Variants in CNBD1 observed in about 807,000 individuals in gnomAD.
CNBD1 encodes the protein cyclic nucleotide binding domain containing 1.
A neutral mutation model predicts 54.4 loss-of-function variants in CNBD1; 71 were observed. That is an observed-to-expected ratio of 1.30 (90% CI 1.08 to 1.59). CNBD1 has a LOEUF of 1.59. Ranked by LOEUF, CNBD1 falls within the 40% of genes most tolerant of loss-of-function variation. The probability of loss-of-function intolerance (pLI) is 0.00; values close to 1 mark genes in which losing one functional copy is unlikely to be tolerated. For missense variants in CNBD1, 659 were observed against 518.0 expected (o/e 1.27, Z -2.64); for synonymous variants, 182 against 170.7 (o/e 1.07, Z -0.51).
At chr8:86,992,587 C>G (rs1325827752) in intron 4 of CNBD1, among the ~76,000 whole-genome samples, 1 of 151,672 alleles carries the variant, frequency 6.6e-6, no homozygotes, top group Non-Finnish European at 1.5e-5. Context: ...TTAAGTGTGT[C>G]CTTGTGGTAG....
At chr8:87,008,574 G>A (rs952979941) in intron 4 of CNBD1, among the ~76,000 whole-genome samples, 1 of 152,132 alleles carries the variant, frequency 6.6e-6, no homozygotes, top group Non-Finnish European at 1.5e-5. Flanking sequence ...ATATATCCTT[G>A]CATCTAAGTC....
At chr8:87,141,236 G>A (rs928475603) in intron 4 of CNBD1, among the ~76,000 whole-genome samples, 3 of 151,894 alleles carry the variant, frequency 2.0e-5, no homozygotes, top group South Asian at 2.1e-4. Flanking sequence ...AAAATCCTAC[G>A]GTGACTTATT....
intron 4 of CNBD1, among the ~76,000 whole-genome samples, chr8:87,036,855 A>G (rs2130603165): frequency 6.6e-6 from 1 of 152,204 alleles, no homozygotes; most frequent in African/African-American, 2.4e-5. Flanking sequence ...GCTTTATTCT[A>G]CACTAGATGT....
intron 4 of CNBD1, among the ~76,000 whole-genome samples, chr8:87,184,721 C>T (rs76614582): frequency 0.027 from 4,163 of 152,110 alleles, 163 homozygotes; most frequent in African/African-American, 0.082. Flanking sequence ...TTTCAGCCTC[C>T]GGGTCTACAT....
At chr8:87,216,600 A>G (rs112564724) in intron 5 of CNBD1, among the ~76,000 whole-genome samples, 3,198 of 152,172 alleles carry the variant, frequency 0.021, 55 homozygotes, top group South Asian at 0.058. Flanking sequence ...TTGATAGACA[A>G]TCCTCTTAGC....
chr8:86,886,838 A>G (rs1322550995), intron 1 of CNBD1, among the ~76,000 whole-genome samples: 1 of 152,194 alleles, frequency 6.6e-6, no homozygotes, highest in Non-Finnish European at 1.5e-5. Flanking sequence ...ATTCTTCTGC[A>G]GTAAGCAGAA....
chr8:87,206,731 C>T (rs768474750), intron 5 of CNBD1, among the ~76,000 whole-genome samples: 9 of 152,078 alleles, frequency 5.9e-5, no homozygotes, highest in South Asian at 4.1e-4. Flanking sequence ...ATTTTAATTA[C>T]GGGGGCTAGG....
At chr8:86,978,917 T>C (rs564101263) in intron 4 of CNBD1, among the ~76,000 whole-genome samples, 1 of 152,286 alleles carries the variant, frequency 6.6e-6, no homozygotes, top group Admixed American at 6.5e-5. Flanking sequence ...GTATAATCTA[T>C]GCCACAGTCT....
At chr8:87,151,218 G>A (rs895000775) in intron 4 of CNBD1, among the ~76,000 whole-genome samples, 2 of 152,080 alleles carry the variant, frequency 1.3e-5, no homozygotes, top group African/African-American at 2.4e-5. Context: ...ATTACCAGGA[G>A]CATCCTTTGA....
intron 6 of CNBD1, among the ~76,000 whole-genome samples, chr8:87,283,656 T>C (rs757240267): frequency 6.6e-6 from 1 of 152,096 alleles, no homozygotes; most frequent in Non-Finnish European, 1.5e-5. Context: ...GATAGCCAGC[T>C]TCTATGTGGC....
At chr8:87,059,644 G>A (rs1810500980) in intron 4 of CNBD1, among the ~76,000 whole-genome samples, 1 of 152,202 alleles carries the variant, frequency 6.6e-6, no homozygotes, top group African/African-American at 2.4e-5. Context: ...CAGATCTTGT[G>A]AGAACTCACT....
At chr8:86,929,393 G>A (rs570417835) in intron 3 of CNBD1, among the ~76,000 whole-genome samples, 80 of 152,312 alleles carry the variant, frequency 5.3e-4, no homozygotes, top group Admixed American at 3.2e-3. Flanking sequence ...CTAACTGGGC[G>A]CTGGTCCCTG....
intron 2 of CNBD1, among the ~76,000 whole-genome samples, chr8:87,401,589 A>G (rs1057404094): frequency 6.6e-6 from 1 of 152,004 alleles, no homozygotes; most frequent in African/African-American, 2.4e-5. Flanking sequence ...TTTTTTACCA[A>G]TGATGCATAT....
intron 8 of CNBD1, among the ~76,000 whole-genome samples, chr8:87,305,293 G>A (rs1809118905): frequency 6.6e-6 from 1 of 152,064 alleles, no homozygotes; most frequent in African/African-American, 2.4e-5. Flanking sequence ...CCATGCTCAT[G>A]GATGGGTAGA....
At chr8:86,984,593 C>T (rs1441465851) in intron 4 of CNBD1, among the ~76,000 whole-genome samples, 1 of 152,176 alleles carries the variant, frequency 6.6e-6, no homozygotes, top group African/African-American at 2.4e-5. Context: ...GGGAGCCCAC[C>T]TCTTGCATCA....
At chr8:87,129,094 ATT>A (rs1491196405) in intron 4 of CNBD1, among the ~76,000 whole-genome samples, 10 of 136,290 alleles carry the variant, frequency 7.3e-5, no homozygotes, top group African/African-American at 2.2e-4. Flanking sequence ...AAAAAAAAGA[ATT>A]TTGCTATCTT....
chr8:86,979,019 G>GTCGTAATGTTAAGATTATA (rs1808407942), intron 4 of CNBD1, among the ~76,000 whole-genome samples: 1 of 152,026 alleles, frequency 6.6e-6, no homozygotes, highest in Admixed American at 6.6e-5. Flanking sequence ...TTAAGATTAT[G>GTCGTAATGTTAAGATTATA]TCGTAATGTT....
chr8:87,052,257 A>G (rs1482059750), intron 4 of CNBD1, among the ~76,000 whole-genome samples: 2 of 152,148 alleles, frequency 1.3e-5, no homozygotes, highest in East Asian at 3.9e-4. Flanking sequence ...TCAGTCCTAT[A>G]GCCTGCTTCC....
At chr8:87,343,985 A>G (rs1323368883) in intron 8 of CNBD1, among the ~76,000 whole-genome samples, 1 of 152,060 alleles carries the variant, frequency 6.6e-6, no homozygotes, top group Non-Finnish European at 1.5e-5. Flanking sequence ...CAACTTTTTC[A>G]TGCTCTTTGC....
Sources: gnomAD v4.1 joint callset for allele counts (sites outside exome capture counted in the v4.1 genomes callset) on GRCh38, gnomAD v4.1.1 for gene constraint, MANE v1.5 for transcripts, NCBI Gene and HGNC (gene_info 2026-07-23, HGNC 2026-07-21) for gene names.